The following RAB3C variants were observed in gnomAD, a reference collection of about 807,000 sequenced individuals.
RAB3C encodes ras-related protein Rab-3C.
RAB3C carries 17 observed loss-of-function variants against 26.4 expected under a neutral mutation model. The ratio of observed to expected loss-of-function variants is 0.64; its 90% CI spans 0.44 to 0.97. RAB3C has a LOEUF of 0.97. Among genes scored for constraint, RAB3C ranks in the 50% least tolerant of loss-of-function variants. The pLI is 0.00. For missense variants in RAB3C, 242 were observed against 281.9 expected (o/e 0.86, Z 1.01); for synonymous variants, 91 against 95.9 (o/e 0.95, Z 0.30).
At chr5:58,589,591 G>A (rs1746085961) in intron 1 of RAB3C, among the ~76,000 whole-genome samples, 1 of 152,034 alleles carries the variant, frequency 6.6e-6, no homozygotes, top group Non-Finnish European at 1.5e-5. Context: ...AGATTTCATT[G>A]ATATACTAAT....
At chr5:58,674,359 GT>G (rs1243819368) in intron 2 of RAB3C, among the ~76,000 whole-genome samples, 5 of 152,168 alleles carry the variant, frequency 3.3e-5, no homozygotes, top group Non-Finnish European at 2.9e-5. Flanking sequence ...ATATTAATAT[GT>G]TTTTTAGTAA....
intron 3 of RAB3C, among the ~76,000 whole-genome samples, chr5:58,751,325 G>A (rs1329207714): frequency 6.6e-6 from 1 of 152,200 alleles, no homozygotes; most frequent in African/African-American, 2.4e-5. Flanking sequence ...CAGTACCAGA[G>A]CAGTGCTTGA....
At chr5:58,614,770 C>T (rs1746790127) in intron 1 of RAB3C, among the ~76,000 whole-genome samples, 1 of 152,064 alleles carries the variant, frequency 6.6e-6, no homozygotes, top group Non-Finnish European at 1.5e-5. Flanking sequence ...ATATAGTTCA[C>T]CCTTCATATA....
At chr5:58,670,008 G>A (rs1038843133) in intron 2 of RAB3C, among the ~76,000 whole-genome samples, 2 of 152,160 alleles carry the variant, frequency 1.3e-5, no homozygotes, top group Non-Finnish European at 2.9e-5. Context: ...TTCACCATCT[G>A]CATGAATATT....
chr5:58,612,660 G>A (rs1163657026), intron 1 of RAB3C, among the ~76,000 whole-genome samples: 3 of 150,974 alleles, frequency 2.0e-5, no homozygotes, highest in African/African-American at 4.9e-5. Context: ...TGATTTTTGC[G>A]CATTAATATT....
At chr5:58,606,359 T>C (rs1289264171) in intron 1 of RAB3C, among the ~76,000 whole-genome samples, 1 of 152,156 alleles carries the variant, frequency 6.6e-6, no homozygotes, top group Non-Finnish European at 1.5e-5. Flanking sequence ...CATCCACCAT[T>C]GCTGAGGCTT....
At chr5:58,818,529 G>T (rs79102806) in intron 3 of RAB3C, among the ~76,000 whole-genome samples, 2 of 152,256 alleles carry the variant, frequency 1.3e-5, no homozygotes, top group East Asian at 3.9e-4. Context: ...TTAGCTAAAT[G>T]GCAAGTAAAT....
At chr5:58,585,840 A>G (rs530035445) in intron 1 of RAB3C, among the ~76,000 whole-genome samples, 82 of 152,178 alleles carry the variant, frequency 5.4e-4, no homozygotes, top group Admixed American at 2.1e-3. Flanking sequence ...TGACATCTTT[A>G]TTTCCTTTCT....
At chr5:58,676,677 G>T (rs977832020) in intron 2 of RAB3C, among the ~76,000 whole-genome samples, 1 of 151,958 alleles carries the variant, frequency 6.6e-6, no homozygotes, top group Non-Finnish European at 1.5e-5. Context: ...TTGATGACCT[G>T]GCAGCTTCAT....
At chr5:58,807,631 A>T (rs1158927930) in intron 3 of RAB3C, among the ~76,000 whole-genome samples, 1 of 152,114 alleles carries the variant, frequency 6.6e-6, no homozygotes, top group Admixed American at 6.5e-5. Context: ...TAGGAGATTT[A>T]TGTCTCTTCT....
intron 2 of RAB3C, among the ~76,000 whole-genome samples, chr5:58,709,071 C>T (rs1295535921): frequency 1.3e-5 from 2 of 152,088 alleles, no homozygotes. Context: ...TTCTGTTGAT[C>T]TGGAAATAAT....
upstream of RAB3C, chr5:58,583,062 A>G (rs116830754): frequency 7.3e-3 from 10,809 of 1,489,944 alleles, 49 homozygotes; most frequent in Non-Finnish European, 8.7e-3. Flanking sequence ...CGGCGCCAGG[A>G]GAGGACAGCT....
In RAB3C at chr5:58,583,112, T is replaced by A. The variant is rs1224132814; in HGVS notation, c.-97T>A. ...GGAGCCGGTTAGCGAACCCCAAGAGTGCAGAGTGTGGAGCGTGGAGCGCCG... is the reference window on the plus strand; with the variant it reads ...GGAGCCGGTTAGCGAACCCCAAGAGAGCAGAGTGTGGAGCGTGGAGCGCCG... On this transcript the variant is annotated 5_prime_UTR_variant, in exon 1 of 5. Transcript: ENST00000282878. 7 of 1,595,472 alleles carry A rather than the reference T, an allele frequency of 4.4e-6. No individual in the cohort carries two copies. The highest frequency in any genetic ancestry group is 1.8e-5 in the Admixed American group (1 of 57,092).
chr5:58,705,856 C>T (rs1748932949), intron 2 of RAB3C, among the ~76,000 whole-genome samples: 1 of 152,096 alleles, frequency 6.6e-6, no homozygotes, highest in African/African-American at 2.4e-5. Context: ...CATTAATGTG[C>T]TTATGCCTGG....
intron 2 of RAB3C, among the ~76,000 whole-genome samples, chr5:58,664,369 C>T (rs1424527260): frequency 6.6e-6 from 1 of 152,040 alleles, no homozygotes; most frequent in Non-Finnish European, 1.5e-5. Flanking sequence ...GGCCAATCTC[C>T]AAAGGTCATA....
intron 3 of RAB3C, among the ~76,000 whole-genome samples, chr5:58,762,085 G>A (rs1206432717): frequency 6.6e-6 from 1 of 150,864 alleles, no homozygotes; most frequent in African/African-American, 2.4e-5. Context: ...AAAATTAAAT[G>A]TATTTTATTT....
chr5:58,678,919 T>C (rs1270855538), intron 2 of RAB3C, among the ~76,000 whole-genome samples: 3 of 152,216 alleles, frequency 2.0e-5, no homozygotes, highest in Non-Finnish European at 4.4e-5. Context: ...GAAAGGCTAT[T>C]ACGTGTCCAA....
At chr5:58,606,879 A>G (rs1163256535) in intron 1 of RAB3C, among the ~76,000 whole-genome samples, 2 of 152,300 alleles carry the variant, frequency 1.3e-5, no homozygotes, top group East Asian at 3.9e-4. Flanking sequence ...CATCAACAAA[A>G]AGGACATCCA....
intron 3 of RAB3C, among the ~76,000 whole-genome samples, chr5:58,743,173 G>A (rs961349191): frequency 6.6e-6 from 1 of 152,124 alleles, no homozygotes; most frequent in Non-Finnish European, 1.5e-5. Context: ...AATGAGAAAA[G>A]AATTCCTAAC....
Sources: allele counts gnomAD v4.1 joint callset (sites outside exome capture counted in the v4.1 genomes callset), GRCh38; gene constraint gnomAD v4.1.1; transcripts MANE v1.5; gene names NCBI Gene and HGNC (gene_info 2026-07-23, HGNC 2026-07-21).